RNF38: variants seen among roughly 807,000 people sequenced by gnomAD.
RNF38 encodes the protein ring finger protein 38.
Under a neutral mutation model 67.2 loss-of-function variants are expected in RNF38, and 15 were observed. The observed-to-expected ratio is 0.22, with a 90% CI of 0.15 to 0.34. RNF38 has a LOEUF of 0.34. Among genes scored for constraint, RNF38 ranks in the 10% least tolerant of loss-of-function variants. The probability of loss-of-function intolerance (pLI) is 1.00; values close to 1 mark genes in which losing one functional copy is unlikely to be tolerated. For missense variants in RNF38, 524 were observed against 639.9 expected, an observed-to-expected ratio of 0.82 and a Z score of 1.95; for synonymous variants, 220 against 218.8, an observed-to-expected ratio of 1.01 and a Z score of -0.05.
At chr9:36,352,636 CA>C in intron 8 of RNF38, 105 bp downstream of exon 8, 1 of 879,538 alleles carries the variant, frequency 1.1e-6, no homozygotes, top group Non-Finnish European at 1.9e-6. Context: ...TAAGTAAAGA[CA>C]AATAACTAAC....
intron 1 of RNF38, among the ~76,000 whole-genome samples, chr9:36,485,147 T>G (rs1390431873): frequency 6.6e-6 from 1 of 152,172 alleles, no homozygotes; most frequent in South Asian, 2.1e-4. Context: ...CCAGCCTGGG[T>G]GACAGAGAGA....
chr9:36,442,056 T>C (rs941461426), intron 1 of RNF38, among the ~76,000 whole-genome samples: 2 of 152,260 alleles, frequency 1.3e-5, no homozygotes, highest in South Asian at 2.1e-4. Flanking sequence ...ATCAATAGCT[T>C]CCTCCTACTT....
At chr9:36,342,191 T>A in intron 11 of RNF38, 134 bp downstream of exon 11, 3 of 605,478 alleles carry the variant, frequency 5.0e-6, no homozygotes, top group South Asian at 3.8e-5. Context: ...TTTTCTCATT[T>A]GCAGAGATCA....
intron 1 of RNF38, among the ~76,000 whole-genome samples, chr9:36,429,687 G>A (rs1405988844): frequency 6.6e-6 from 1 of 152,104 alleles, no homozygotes; most frequent in Non-Finnish European, 1.5e-5. Context: ...CCAGCTACTC[G>A]GGAGGCTGAG....
intron 1 of RNF38, among the ~76,000 whole-genome samples, chr9:36,434,950 G>A (rs575363903): frequency 4.6e-5 from 7 of 152,050 alleles, no homozygotes; most frequent in Non-Finnish European, 1.0e-4. Context: ...AGGCTTAAAT[G>A]CCCACCAATA....
In RNF38 at chr9:36,415,991, C is replaced by CG. The variant is rs545490196; in HGVS notation, n.312+8621dup. 7.4e-4 allele frequency among the ~76,000 whole-genome samples: 112 copies of CG among 151,800 alleles called. 2 individuals carry two copies. The South Asian group carries it at 0.022, about 30-fold the overall frequency. On this transcript the variant is annotated intron_variant and non_coding_transcript_variant, in intron 2 of 3. Coordinates refer to the RNF38 transcript ENST00000488058. Reference sequence around the variant, plus strand: ...CAACATCGACTGCAGTAGTACGGGGCGGGGGATACAAGTTTGCCCTAAGGT... The same window carrying CG: ...CAACATCGACTGCAGTAGTACGGGGCGGGGGGATACAAGTTTGCCCTAAGGT...
At chr9:36,377,229 C>T (rs1051426357) in intron 2 of RNF38, among the ~76,000 whole-genome samples, 19 of 152,108 alleles carry the variant, frequency 1.2e-4, no homozygotes, top group African/African-American at 3.4e-4. Context: ...TCTAATAGAA[C>T]GTCTATCTCC....
At chr9:36,433,083 T>A (rs1270983410) in intron 1 of RNF38, among the ~76,000 whole-genome samples, 1 of 151,798 alleles carries the variant, frequency 6.6e-6, no homozygotes, top group Non-Finnish European at 1.5e-5. Context: ...AAGATTGATA[T>A]TCACAGTGGA....
intron 2 of RNF38, among the ~76,000 whole-genome samples, chr9:36,388,029 T>A (rs907569536): frequency 6.6e-6 from 1 of 152,170 alleles, no homozygotes; most frequent in Non-Finnish European, 1.5e-5. Flanking sequence ...ATGAATTTTT[T>A]AAAAAGTATA....
intron 1 of RNF38, among the ~76,000 whole-genome samples, chr9:36,449,464 A>C (rs1397909706): frequency 6.6e-6 from 1 of 151,154 alleles, no homozygotes; most frequent in Non-Finnish European, 1.5e-5. Flanking sequence ...GAGATGGAGC[A>C]TCACTCTGTC....
At chr9:36,453,381 A>ATTT (rs571598885) in intron 1 of RNF38, among the ~76,000 whole-genome samples, 4 of 135,780 alleles carry the variant, frequency 2.9e-5, no homozygotes, top group Non-Finnish European at 3.2e-5. Context: ...TGTTCAGGTA[A>ATTT]TTTTTTTTTT....
chr9:36,369,558 T>C (rs1037956431), intron 4 of RNF38, among the ~76,000 whole-genome samples, 161 bp downstream of exon 4: 2 of 152,156 alleles, frequency 1.3e-5, no homozygotes, highest in African/African-American at 2.4e-5. Flanking sequence ...ATGGAAGCTG[T>C]GTAGAATTTA....
chr9:36,481,636 A>C (rs1013976568), intron 1 of RNF38, among the ~76,000 whole-genome samples: 1 of 152,154 alleles, frequency 6.6e-6, no homozygotes, highest in Non-Finnish European at 1.5e-5. Flanking sequence ...ACCCTCAATC[A>C]TGTTTAAAAA....
chr9:36,380,071 T>C (rs1836095206), intron 2 of RNF38, among the ~76,000 whole-genome samples: 2 of 152,240 alleles, frequency 1.3e-5, no homozygotes, highest in Non-Finnish European at 1.5e-5. Context: ...AGATCACTAC[T>C]GTAGTTACAG....
chr9:36,393,439 A>C (rs1193765118), intron 1 of RNF38, among the ~76,000 whole-genome samples: 1 of 148,086 alleles, frequency 6.8e-6, no homozygotes, highest in Non-Finnish European at 1.5e-5. Flanking sequence ...ATGAGGTACA[A>C]TTTTTACTAC....
At chr9:36,482,966 A>G (rs929305218) in intron 1 of RNF38, among the ~76,000 whole-genome samples, 1 of 152,222 alleles carries the variant, frequency 6.6e-6, no homozygotes, top group Non-Finnish European at 1.5e-5. Context: ...CTGAGTGCAC[A>G]CAGTTCCACA....
chr9:36,397,790 C>T (rs1837650692), intron 1 of RNF38, among the ~76,000 whole-genome samples: 1 of 152,158 alleles, frequency 6.6e-6, no homozygotes, highest in Admixed American at 6.5e-5. Flanking sequence ...ACTTTTCTTT[C>T]CTTCCCTTCC....
rs756277317 is a variant in RNF38, at chr9:36,336,820, C to G, written c.*2932G>C. On this transcript the variant is annotated 3_prime_UTR_variant, in exon 12 of 12. Coordinates refer to ENST00000259605, the MANE Select transcript of RNF38 (RefSeq NM_022781.5). ...TCGGTAGATCTCATTCAAAATTATT[C>G]TAAGAGGCCCAAATTTAAGAATCTT... is the stretch of plus-strand genomic sequence containing the variant. 6.6e-6 allele frequency: 1 copy of G among 152,328 alleles called. No individual in the cohort carries two copies. Among genetic ancestry groups the G allele is most frequent in the Non-Finnish European group, 1.5e-5 (1 of 68,008 alleles). 9.4% of individuals were successfully genotyped at this position (152,328 alleles called of 1,614,324 possible).
chr9:36,434,477 C>T (rs758487113), intron 1 of RNF38, among the ~76,000 whole-genome samples: 5 of 152,092 alleles, frequency 3.3e-5, no homozygotes, highest in South Asian at 2.1e-4. Context: ...CTCCGCCTCC[C>T]GGGTTCAAGC....
Sources: gnomAD v4.1 joint callset for allele counts (sites outside exome capture counted in the v4.1 genomes callset) on GRCh38, gnomAD v4.1.1 for gene constraint, MANE v1.5 for transcripts, NCBI Gene and HGNC (gene_info 2026-07-23, HGNC 2026-07-21) for gene names.